The following TTC6 variants were observed in gnomAD, a reference collection of about 807,000 sequenced individuals.
The protein encoded by TTC6 is tetratricopeptide repeat domain 6, also known as tetratricopeptide repeat protein 6.
TTC6 carries 172 observed loss-of-function variants against 210.4 expected under a neutral mutation model. The ratio of observed to expected loss-of-function variants is 0.82; its 90% CI spans 0.72 to 0.93. TTC6 has a LOEUF of 0.93. Among genes scored for constraint, TTC6 ranks in the 40% least tolerant of loss-of-function variants. The pLI is 0.00. For missense variants in TTC6, 2,414 were observed against 2,318.1 expected, an observed-to-expected ratio of 1.04 and a Z score of -0.85; for synonymous variants, 804 against 819.6, an observed-to-expected ratio of 0.98 and a Z score of 0.32.
At chr14:37,695,439 A>G (rs1003392541) in intron 3 of TTC6, among the ~76,000 whole-genome samples, 2 of 152,056 alleles carry the variant, frequency 1.3e-5, no homozygotes, top group Non-Finnish European at 2.9e-5. Flanking sequence ...ACCGCAACCT[A>G]TGCCTCCCAG....
intron 14 of TTC6, among the ~76,000 whole-genome samples, chr14:37,767,704 T>C (rs1194440420): frequency 6.6e-6 from 1 of 152,060 alleles, no homozygotes; most frequent in East Asian, 1.9e-4. Context: ...ATATTAGCCC[T>C]TTGTCAGATG....
chr14:37,702,260 TA>T (rs2095826872), intron 5 of TTC6, among the ~76,000 whole-genome samples: 2 of 152,222 alleles, frequency 1.3e-5, no homozygotes, highest in African/African-American at 4.8e-5. Flanking sequence ...TTGATAGTGA[TA>T]GAATCCAGGT....
chr14:37,772,946 A>C (rs933824275), intron 14 of TTC6, among the ~76,000 whole-genome samples: 1 of 152,088 alleles, frequency 6.6e-6, no homozygotes, highest in African/African-American at 2.4e-5. Flanking sequence ...AGCCATTCTG[A>C]CTGGTGTGAA....
At chr14:37,768,971 G>A (rs899667659) in intron 14 of TTC6, among the ~76,000 whole-genome samples, 22 of 151,962 alleles carry the variant, frequency 1.4e-4, no homozygotes, top group East Asian at 5.8e-4. Context: ...TTTGAAATAC[G>A]TCCCATCAAT....
At chr14:37,708,392 A>G (rs930929359) in intron 5 of TTC6, among the ~76,000 whole-genome samples, 2 of 152,100 alleles carry the variant, frequency 1.3e-5, no homozygotes, top group Non-Finnish European at 2.9e-5. Flanking sequence ...ATAATTTTGT[A>G]TTAATAACAA....
At chr14:37,704,713 T>A (rs1227580583) in intron 5 of TTC6, among the ~76,000 whole-genome samples, 1 of 152,062 alleles carries the variant, frequency 6.6e-6, no homozygotes, top group Non-Finnish European at 1.5e-5. Context: ...CTATCAGAAA[T>A]TTTTTAATGT....
chr14:37,624,644 C>A (rs79472754), intron 1 of TTC6, among the ~76,000 whole-genome samples: 2 of 150,702 alleles, frequency 1.3e-5, no homozygotes, highest in South Asian at 4.2e-4. Context: ...TTTTTTTTGA[C>A]GGAGTTTTGC....
At chr14:37,779,370 C>CG (rs5807970) in intron 14 of TTC6, among the ~76,000 whole-genome samples, 89,137 of 151,902 alleles carry the variant, frequency 0.59, 26,351 homozygotes, top group Admixed American at 0.65. Context: ...GCTTAGAAGT[C>CG]TTTTTTTTGG....
At chr14:37,654,653 C>T (rs2095718721) in intron 1 of TTC6, among the ~76,000 whole-genome samples, 1 of 152,120 alleles carries the variant, frequency 6.6e-6, no homozygotes, top group African/African-American at 2.4e-5. Flanking sequence ...GAAATCCTTT[C>T]TTTATAGAAA....
At chr14:37,596,424 A>C (rs2095604742) in intron 1 of TTC6, among the ~76,000 whole-genome samples, 1 of 152,220 alleles carries the variant, frequency 6.6e-6, no homozygotes, top group Non-Finnish European at 1.5e-5. Flanking sequence ...CTGAGATCTC[A>C]GGGGCTCGCT....
chr14:37,629,944 C>T (rs1351539361), intron 1 of TTC6, among the ~76,000 whole-genome samples: 1 of 152,078 alleles, frequency 6.6e-6, no homozygotes, highest in Admixed American at 6.5e-5. Flanking sequence ...GCCTTGCATC[C>T]CAGGGATGAA....
intron 20 of TTC6, among the ~76,000 whole-genome samples, chr14:37,804,367 G>A (rs920174466): frequency 6.6e-6 from 1 of 152,166 alleles, no homozygotes; most frequent in Non-Finnish European, 1.5e-5. Flanking sequence ...ATTTAAGCCT[G>A]ACTTAAGCTT....
At chr14:37,696,689 T>C (rs2095815490) in intron 3 of TTC6, 28 bp from the exon 6 acceptor site, 1 of 1,212,332 alleles carries the variant, frequency 8.2e-7, no homozygotes, top group East Asian at 2.8e-5. Context: ...CATCTTCTCT[T>C]AACAGCACAC....
At position 37,790,853 on chromosome 14, in the gene TTC6, C is replaced by A. The variant is rs2096077691; in HGVS notation, c.3557+16C>A. On this transcript the variant is annotated intron_variant, in intron 16 of 30. Coordinates refer to ENST00000553443, the Ensembl canonical transcript of TTC6. The stretch of plus-strand genomic sequence containing the variant: ...CTCTAGAAAGGTATGTTTTCCTTTT[C>A]ATATTTATTGATTTCAGTTTTGTAA... The A allele has an allele frequency of 2.6e-6, 4 of 1,513,978 alleles. No individual in the cohort carries two copies. The highest frequency in any genetic ancestry group is 3.5e-6 in the Non-Finnish European group (4 of 1,140,906). The allele number at this position is 1,513,978 out of a possible 1,614,324, so 93.8% of individuals were successfully genotyped here. A position where few individuals can be genotyped will look rare whatever the true frequency, so the allele number is the denominator to read the frequency against.
chr14:37,603,749 G>A (rs576207677), intron 1 of TTC6, among the ~76,000 whole-genome samples: 1 of 152,282 alleles, frequency 6.6e-6, no homozygotes, highest in Admixed American at 6.5e-5. Flanking sequence ...TGTGTCTGAG[G>A]CTGAAGATCT....
At chr14:37,648,762 A>G (rs1275939553) in intron 1 of TTC6, among the ~76,000 whole-genome samples, 1 of 152,126 alleles carries the variant, frequency 6.6e-6, no homozygotes, top group Non-Finnish European at 1.5e-5. Context: ...AATTCCAACA[A>G]TCCCCCAGCT....
intron 14 of TTC6, among the ~76,000 whole-genome samples, chr14:37,766,197 A>T (rs1007689695): frequency 1.3e-5 from 2 of 151,940 alleles, no homozygotes; most frequent in African/African-American, 4.8e-5. Flanking sequence ...ACATATGCAT[A>T]TGTTGGTTGT....
In TTC6 at chr14:37,663,952, G is replaced by A. The variant is rs1399273918; in HGVS notation, c.940-16199G>A. 3.7e-3 allele frequency among the ~76,000 whole-genome samples: 519 copies of A among 138,432 alleles called. 20 individuals carry two copies. Among genetic ancestry groups the A allele is most frequent in the Non-Finnish European group, 6.6e-3 (385 of 58,392 alleles). 90.8% of individuals were successfully genotyped at this position (138,432 alleles called of 152,430 possible). A position where few individuals can be genotyped will look rare whatever the true frequency, so the allele number is the denominator to read the frequency against. Reference sequence around the variant, plus strand: ...TAGGACTATAGCTAATAAGGGAAGTGAAGGACCTCTTCAAGGAGAACTATA... The same window carrying A: ...TAGGACTATAGCTAATAAGGGAAGTAAAGGACCTCTTCAAGGAGAACTATA... On this transcript the variant is annotated intron_variant, in intron 1 of 30. Coordinates refer to ENST00000553443, the Ensembl canonical transcript of TTC6.
chr14:37,804,595 T>C, intron 20 of TTC6, 85 bp from the exon 23 acceptor site: 1 of 1,515,048 alleles, frequency 6.6e-7, no homozygotes, highest in South Asian at 1.3e-5. Flanking sequence ...TGCTCTGTGC[T>C]CCTTTTAACA....
Sources: allele counts gnomAD v4.1 joint callset (sites outside exome capture counted in the v4.1 genomes callset), GRCh38; gene constraint gnomAD v4.1.1; transcripts MANE v1.5; gene names NCBI Gene and HGNC (gene_info 2026-07-23, HGNC 2026-07-21).